JAM2: variants seen among roughly 807,000 people sequenced by gnomAD.
The protein encoded by JAM2 is junctional adhesion molecule B.
JAM2 carries 17 observed loss-of-function variants against 42.0 expected under a neutral mutation model. The observed-to-expected ratio is 0.40, with a 90% CI of 0.28 to 0.61. The LOEUF is 0.61. JAM2 is among the 20% of genes least tolerant of loss of function. The pLI is 0.37. For synonymous variants in JAM2, 118 were observed against 128.6 expected (o/e 0.92, Z 0.56); for missense variants, 319 against 358.3 (o/e 0.89, Z 0.89).
At chr21:25,647,470 C>T (rs1274981863) in intron 1 of JAM2, among the ~76,000 whole-genome samples, 1 of 152,088 alleles carries the variant, frequency 6.6e-6, no homozygotes, top group Non-Finnish European at 1.5e-5. Context: ...TGTTGTGCAC[C>T]TTGCTCCAAA....
At chr21:25,672,427 C>T (rs1183473263) in intron 1 of JAM2, among the ~76,000 whole-genome samples, 1 of 152,196 alleles carries the variant, frequency 6.6e-6, no homozygotes, top group Non-Finnish European at 1.5e-5. Flanking sequence ...GTTTTAACCA[C>T]TTGCCCAGAG....
chr21:25,689,173 A>G (rs1568908786), intron 2 of JAM2, among the ~76,000 whole-genome samples: 1 of 152,212 alleles, frequency 6.6e-6, no homozygotes, highest in Non-Finnish European at 1.5e-5. Context: ...CTAAGATTTA[A>G]TACTTTAATA....
intron 1 of JAM2, among the ~76,000 whole-genome samples, chr21:25,683,285 T>C (rs1423990171): frequency 3.3e-5 from 5 of 152,124 alleles, no homozygotes; most frequent in African/African-American, 4.8e-5. Flanking sequence ...GCCACCACAG[T>C]CAGTTACTTC....
chr21:25,646,299 A>T (rs10222195), intron 1 of JAM2, among the ~76,000 whole-genome samples: 96,729 of 151,906 alleles, frequency 0.64, 32,014 homozygotes, highest in Non-Finnish European at 0.74. Context: ...TAAGGAAAAA[A>T]TTTTTTAATC....
At position 25,666,387 on chromosome 21, in the gene JAM2, C is replaced by T. The variant is rs563762617; in HGVS notation, c.68-17496C>T. On this transcript the variant is annotated intron_variant, in intron 1 of 9. Coordinates refer to ENST00000480456, the MANE Select transcript of JAM2 (RefSeq NM_021219.4). ...TCACCCATGCTGGAGTGCAATGGCGCGATCTCTGCTCACTGCAACCTCTGC... is the reference window on the plus strand; with the variant it reads ...TCACCCATGCTGGAGTGCAATGGCGTGATCTCTGCTCACTGCAACCTCTGC... 8.7e-4 allele frequency among the ~76,000 whole-genome samples: 131 copies of T among 150,888 alleles called. 4 individuals are homozygous for T. In the South Asian group the frequency reaches 0.021, roughly 24 times the overall value.
At chr21:25,687,567 C>T (rs1390570159) in intron 2 of JAM2, among the ~76,000 whole-genome samples, 2 of 152,168 alleles carry the variant, frequency 1.3e-5, no homozygotes, top group African/African-American at 4.8e-5. Context: ...CCCATGATTC[C>T]AGTATTTTTA....
At chr21:25,650,025 A>G (rs1169624203) in intron 1 of JAM2, among the ~76,000 whole-genome samples, 1 of 152,210 alleles carries the variant, frequency 6.6e-6, no homozygotes, top group Admixed American at 6.5e-5. Context: ...CATGAGAACA[A>G]GAACTCATTT....
At chr21:25,654,687 T>C (rs1253805238) in intron 1 of JAM2, among the ~76,000 whole-genome samples, 2 of 147,618 alleles carry the variant, frequency 1.4e-5, no homozygotes, top group Non-Finnish European at 3.0e-5. Flanking sequence ...CACATAGCAC[T>C]CCCTGTGTAA....
At chr21:25,714,241 T>A in intron 9 of JAM2, 1 of 1,299,550 alleles carries the variant, frequency 7.7e-7, no homozygotes, top group Non-Finnish European at 1.0e-6. Context: ...GTGCAGTGGC[T>A]CACGCCTGTA....
At chr21:25,639,960 C>A (rs952114611) in intron 1 of JAM2, 72 bp downstream of exon 1, 242 of 1,112,138 alleles carry the variant, frequency 2.2e-4, no homozygotes, top group Non-Finnish European at 3.0e-4. Flanking sequence ...CCCCACGGGG[C>A]GCTGGCTGAC....
At chr21:25,682,139 G>A (rs1219405144) in intron 1 of JAM2, among the ~76,000 whole-genome samples, 2 of 152,192 alleles carry the variant, frequency 1.3e-5, no homozygotes, top group African/African-American at 2.4e-5. Context: ...GCCAGGCACT[G>A]TTCTGAGTGT....
chr21:25,691,590 T>C (rs2033882515), intron 3 of JAM2, among the ~76,000 whole-genome samples: 1 of 152,220 alleles, frequency 6.6e-6, no homozygotes, highest in Admixed American at 6.5e-5. Context: ...CCATCTTTTC[T>C]TGTGCCGCAG....
intron 1 of JAM2, among the ~76,000 whole-genome samples, chr21:25,663,362 T>C (rs2033138939): frequency 6.6e-6 from 1 of 152,190 alleles, no homozygotes; most frequent in African/African-American, 2.4e-5. Context: ...AACTGCAAAC[T>C]TGTCCACATC....
intron 1 of JAM2, among the ~76,000 whole-genome samples, chr21:25,658,727 C>T (rs958434399): frequency 2.6e-5 from 4 of 152,112 alleles, no homozygotes; most frequent in Non-Finnish European, 5.9e-5. Context: ...ACAAAATTAG[C>T]ATTTGAATGG....
Position 25,640,744 on chromosome 21 carries a change from T to G in JAM2, c.67+856T>G, listed in dbSNP as rs536248528. On this transcript the variant is annotated intron_variant, in intron 1 of 9. Transcript: ENST00000480456. ...GCAGTTCTACTTTTGCTTTTTCTTT[T>G]TTCTCTCACCTTTTTTGTTTTGCTT... Among the ~76,000 whole-genome samples the G allele has an allele frequency of 1.1e-3, 167 of 152,356 alleles. 1 individual carries two copies. Among genetic ancestry groups the G allele is most frequent in the Admixed American group, 3.7e-3 (56 of 15,306 alleles).
chr21:25,702,702 A>AT (rs2034192032), intron 6 of JAM2, among the ~76,000 whole-genome samples: 1 of 152,228 alleles, frequency 6.6e-6, no homozygotes, highest in African/African-American at 2.4e-5. Context: ...CGTAGCACTT[A>AT]TTTAAGTAAT....
rs777768915 is a variant in JAM2 at position 25,639,795 on chromosome 21, A to C, written c.-27A>C. 1 of 1,550,688 alleles carries C rather than the reference A, an allele frequency of 6.4e-7. No homozygotes were observed. Among genetic ancestry groups the C allele is most frequent in the African/African-American group, 1.4e-5 (1 of 73,690 alleles). ...TGCCGCCGGGACCCTCGACCTCCTC[A>C]GAGCAGCCGGCTGCCGCCCCGGGAA... is the stretch of plus-strand genomic sequence containing the variant. On this transcript the variant is annotated 5_prime_UTR_variant, in exon 1 of 10. Transcript: ENST00000480456.
At chr21:25,640,420 A>T (rs1206055577) in intron 1 of JAM2, among the ~76,000 whole-genome samples, 1 of 152,204 alleles carries the variant, frequency 6.6e-6, no homozygotes, top group Non-Finnish European at 1.5e-5. Flanking sequence ...AGCCAGAATT[A>T]CTTTTATCCT....
chr21:25,646,083 T>C lies in JAM2; in HGVS notation c.67+6195T>C, dbSNP rs555525237. ...CTGTACACTTAGGCTACACTAAATT[T>C]ATAAAACAATAAAGTTCTTGTGTTA... On this transcript the variant is annotated intron_variant, in intron 1 of 9. Transcript: ENST00000480456. Among the ~76,000 whole-genome samples, 3 of 152,298 alleles carry C rather than the reference T, an allele frequency of 2.0e-5. No individual in the cohort carries two copies. In the East Asian group the frequency reaches 5.8e-4, roughly 29 times the overall value.
Sources: gnomAD v4.1 joint callset for allele counts (sites outside exome capture counted in the v4.1 genomes callset) on GRCh38, gnomAD v4.1.1 for gene constraint, MANE v1.5 for transcripts, NCBI Gene and HGNC (gene_info 2026-07-23, HGNC 2026-07-21) for gene names.